SSH2: variants seen among roughly 807,000 people sequenced by gnomAD.
SSH2 encodes the protein protein phosphatase Slingshot homolog 2.
SSH2 carries 37 observed loss-of-function variants against 135.2 expected under a neutral mutation model. That is an observed-to-expected ratio of 0.27 (90% CI 0.21 to 0.36). The LOEUF is 0.36. Ranked by LOEUF, SSH2 falls within the 10% of genes least tolerant of loss-of-function variation. SSH2 has a pLI of 1.00. For synonymous variants in SSH2, 628 were observed against 646.2 expected, an observed-to-expected ratio of 0.97 and a Z score of 0.43; for missense variants, 1,408 against 1,765.3, an observed-to-expected ratio of 0.80 and a Z score of 3.63.
In SSH2 at chr17:29,835,701, T is replaced by A. The variant is rs1216162444; in HGVS notation, c.144+13148A>T. ...GATTTTCAGCTTCTTTGGAGCTGTG[T>A]CTCTCTCTATAATTTATTGAAATTC... On this transcript the variant is annotated intron_variant, in intron 2 of 15. Coordinates refer to ENST00000540801, the MANE Select transcript of SSH2 (RefSeq NM_001282129.2). 5.9e-5 allele frequency among the ~76,000 whole-genome samples: 9 copies of A among 152,184 alleles called. No individual in the cohort carries two copies. In the East Asian group the frequency reaches 1.7e-3, roughly 29 times the overall value.
chr17:29,871,833 TGACCTATTAGTC>T (rs2065941082), intron 1 of SSH2, among the ~76,000 whole-genome samples: 1 of 152,206 alleles, frequency 6.6e-6, no homozygotes, highest in South Asian at 2.1e-4. Context: ...AAGATGTTCA[TGACCTATTAGTC>T]GATTACAGAA....
chr17:29,637,598 A>G (rs1350124989), intron 14 of SSH2, among the ~76,000 whole-genome samples: 1 of 151,898 alleles, frequency 6.6e-6, no homozygotes, highest in African/African-American at 2.4e-5. Flanking sequence ...CCTGGGCAAC[A>G]TGGTAAAACT....
Position 29,736,955 on chromosome 17 carries a change from T to C in SSH2, c.189-33893A>G, listed in dbSNP as rs1312428347. Among the ~76,000 whole-genome samples the C allele has an allele frequency of 4.1e-5, 6 of 147,944 alleles. 1 individual carries two copies. The Admixed American group carries it at 4.1e-4, about 10-fold the overall frequency. Reference sequence around the variant, plus strand: ...TCTACTAAAAATACAAAAAATTAGCTGGGCATGGGGGTGGGCGCCTGTAGT... The same window carrying C: ...TCTACTAAAAATACAAAAAATTAGCCGGGCATGGGGGTGGGCGCCTGTAGT... On this transcript the variant is annotated intron_variant, in intron 3 of 15. Coordinates refer to ENST00000540801, the MANE Select transcript of SSH2 (RefSeq NM_001282129.2).
chr17:29,701,825 C>G lies in SSH2; in HGVS notation c.292+1134G>C, dbSNP rs868421968. Among the ~76,000 whole-genome samples the G allele has an allele frequency of 2.6e-5, 4 of 151,810 alleles. No homozygotes were observed. The East Asian group carries it at 7.7e-4, about 29-fold the overall frequency. ...ACCTCAGGTGATCCACCTGCCTTGG[C>G]GTCCCCAAATGCTAGGATTACAGGT... On this transcript the variant is annotated intron_variant, in intron 4 of 15. Transcript: ENST00000540801.
intron 3 of SSH2, among the ~76,000 whole-genome samples, chr17:29,763,494 T>C (rs77725515): frequency 6.7e-6 from 1 of 149,038 alleles, no homozygotes; most frequent in Non-Finnish European, 1.5e-5. Context: ...CCTGCTGTGA[T>C]TAAAAAAAAA....
chr17:29,683,770 A>C (rs1303019223), intron 6 of SSH2, among the ~76,000 whole-genome samples: 1 of 151,502 alleles, frequency 6.6e-6, no homozygotes, highest in Non-Finnish European at 1.5e-5. Flanking sequence ...CCAGAAAAAT[A>C]AGGAAAAAAA....
chr17:29,635,659 T>A (rs748518756), intron 15 of SSH2, among the ~76,000 whole-genome samples: 1 of 152,036 alleles, frequency 6.6e-6, no homozygotes, highest in African/African-American at 2.4e-5. Context: ...CCGCCCGCCT[T>A]GGCCTCCCAA....
intron 13 of SSH2, 64 bp downstream of exon 13, chr17:29,650,590 C>T: frequency 6.6e-7 from 1 of 1,507,210 alleles, no homozygotes; most frequent in Non-Finnish European, 9.0e-7. Context: ...GCCCTCAGGA[C>T]CCAGCCATGT....
chr17:29,894,779 C>A (rs2066412748), intron 1 of SSH2, among the ~76,000 whole-genome samples: 1 of 151,984 alleles, frequency 6.6e-6, no homozygotes, highest in East Asian at 1.9e-4. Context: ...ATGCCTAAAT[C>A]TGGAACACTG....
At position 29,630,833 on chromosome 17, in the gene SSH2, G is replaced by A; in HGVS notation, c.*8C>T. The A allele has an allele frequency of 1.3e-6, 2 of 1,523,824 alleles. No homozygotes were observed. Among genetic ancestry groups the A allele is most frequent in the Non-Finnish European group, 1.8e-6 (2 of 1,133,264 alleles). The allele number at this position is 1,523,824 out of a possible 1,614,324, so 94.4% of individuals were successfully genotyped here. ...TTCTTCTAGAAAGTCACATGTGTAG[G>A]CTCAGAATCACATGGTATTATAGAA... is the stretch of plus-strand genomic sequence containing the variant. On this transcript the variant is annotated 3_prime_UTR_variant, in exon 16 of 16. Coordinates refer to ENST00000540801, the MANE Select transcript of SSH2 (RefSeq NM_001282129.2).
chr17:29,683,219 G>A (rs1352474418), intron 6 of SSH2, among the ~76,000 whole-genome samples: 1 of 152,094 alleles, frequency 6.6e-6, no homozygotes, highest in Non-Finnish European at 1.5e-5. Context: ...ATTTCCTGAG[G>A]CTAATTATCC....
intron 2 of SSH2, among the ~76,000 whole-genome samples, chr17:29,845,410 T>C (rs1033604998): frequency 2.6e-5 from 4 of 152,056 alleles, no homozygotes; most frequent in African/African-American, 9.7e-5. Flanking sequence ...AAAAAAGGTG[T>C]GGGAAATACT....
chr17:29,698,410 C>CAGTG lies in SSH2; in HGVS notation c.293-2888_293-2887insCACT, dbSNP rs1176416705. Reference sequence around the variant, plus strand: ...AAATAAAAGAACAAGTATGAGGAGACAAAGTGTTAGGTATAAACAGTGAAA... The same window carrying CAGTG: ...AAATAAAAGAACAAGTATGAGGAGACAGTGAAAGTGTTAGGTATAAACAGTGAAA... On this transcript the variant is annotated intron_variant, in intron 4 of 15. Coordinates refer to ENST00000540801, the MANE Select transcript of SSH2 (RefSeq NM_001282129.2). 2.6e-5 allele frequency among the ~76,000 whole-genome samples: 4 copies of CAGTG among 152,218 alleles called. No homozygotes were observed. In the South Asian group the frequency reaches 6.2e-4, roughly 24 times the overall value.
At chr17:29,831,435 C>T (rs142025326) in intron 2 of SSH2, among the ~76,000 whole-genome samples, 59 of 152,214 alleles carry the variant, frequency 3.9e-4, no homozygotes, top group African/African-American at 1.3e-3. Flanking sequence ...AAATAAGAGA[C>T]GCTAATCTAG....
intron 2 of SSH2, among the ~76,000 whole-genome samples, chr17:29,813,926 T>G (rs544346372): frequency 6.7e-6 from 1 of 149,074 alleles, no homozygotes; most frequent in African/African-American, 2.5e-5. Context: ...GGTCAGGAGA[T>G]CAAGACCATC....
At chr17:29,832,172 C>G (rs756744003) in intron 2 of SSH2, among the ~76,000 whole-genome samples, 12 of 152,118 alleles carry the variant, frequency 7.9e-5, no homozygotes, top group Admixed American at 7.9e-4. Flanking sequence ...GACATGGGGT[C>G]TCGCTCTGTT....
chr17:29,924,815 G>A (rs2067036443), intron 1 of SSH2, among the ~76,000 whole-genome samples: 1 of 152,114 alleles, frequency 6.6e-6, no homozygotes, highest in Admixed American at 6.5e-5. Flanking sequence ...AGAGTTAATA[G>A]GCTTCAAACA....
chr17:29,824,113 C>G (rs1246040442), intron 2 of SSH2, among the ~76,000 whole-genome samples: 1 of 152,130 alleles, frequency 6.6e-6, no homozygotes, highest in African/African-American at 2.4e-5. Context: ...TCTTTCATGA[C>G]TGAGGAACCC....
intron 1 of SSH2, among the ~76,000 whole-genome samples, chr17:29,859,284 T>G (rs148308046): frequency 6.6e-6 from 1 of 152,028 alleles, no homozygotes; most frequent in East Asian, 1.9e-4. Context: ...CCTCTTACAC[T>G]TTTTTTTCTT....
Sources: gnomAD v4.1 joint callset for allele counts (sites outside exome capture counted in the v4.1 genomes callset) on GRCh38, gnomAD v4.1.1 for gene constraint, MANE v1.5 for transcripts, NCBI Gene and HGNC (gene_info 2026-07-23, HGNC 2026-07-21) for gene names.